CPED1: variants seen among roughly 807,000 people sequenced by gnomAD.
CPED1 encodes cadherin-like and PC-esterase domain-containing protein 1.
In CPED1, 114 loss-of-function variants were observed where a neutral mutation model predicts 128.2. The observed-to-expected ratio is 0.89, with a 90% CI of 0.76 to 1.04. The LOEUF (loss-of-function observed/expected upper bound fraction) is 1.04, where lower values mean the gene tolerates loss of function less well. Among genes scored for constraint, CPED1 ranks in the 50% least tolerant of loss-of-function variants. The pLI is 0.00. For synonymous variants in CPED1, 462 were observed against 426.7 expected, an observed-to-expected ratio of 1.08 and a Z score of -1.02; for missense variants, 1,211 against 1,207.1, an observed-to-expected ratio of 1.00 and a Z score of -0.05.
At chr7:121,145,819 G>C (rs1395491690) in intron 16 of CPED1, among the ~76,000 whole-genome samples, 1 of 150,376 alleles carries the variant, frequency 6.6e-6, no homozygotes, top group Non-Finnish European at 1.5e-5. Context: ...CAACCACAGT[G>C]TCCTCACTAT....
intron 22 of CPED1, among the ~76,000 whole-genome samples, chr7:121,281,765 T>A (rs1034129710): frequency 5.3e-5 from 8 of 152,154 alleles, no homozygotes; most frequent in Non-Finnish European, 8.8e-5. Context: ...AATTTTTACT[T>A]GAAAGTCTTG....
intron 3 of CPED1, among the ~76,000 whole-genome samples, chr7:121,037,560 A>T (rs1792927219): frequency 6.6e-6 from 1 of 152,184 alleles, no homozygotes; most frequent in South Asian, 2.1e-4. Flanking sequence ...TATAGTTTGA[A>T]GTCAGGTAAC....
intron 5 of CPED1, among the ~76,000 whole-genome samples, chr7:121,080,331 A>G (rs1233390937): frequency 6.6e-6 from 1 of 152,202 alleles, no homozygotes; most frequent in African/African-American, 2.4e-5. Context: ...CAACTAATAC[A>G]TCGCCCAGTG....
At chr7:121,213,462 T>C (rs922340729) in intron 16 of CPED1, among the ~76,000 whole-genome samples, 1 of 152,046 alleles carries the variant, frequency 6.6e-6, no homozygotes, top group African/African-American at 2.4e-5. Flanking sequence ...TTGTCAACTG[T>C]TTAGGAGACA....
At chr7:121,089,640 A>T (rs1003946407) in intron 5 of CPED1, among the ~76,000 whole-genome samples, 1 of 152,208 alleles carries the variant, frequency 6.6e-6, no homozygotes, top group Non-Finnish European at 1.5e-5. Context: ...GATATCTGAT[A>T]GTTACTGCAG....
At chr7:121,208,650 C>A (rs1013258192) in intron 16 of CPED1, among the ~76,000 whole-genome samples, 2 of 152,012 alleles carry the variant, frequency 1.3e-5, no homozygotes, top group Non-Finnish European at 2.9e-5. Context: ...AACCACTGTG[C>A]TACTAATAAT....
chr7:121,296,815 G>A lies in CPED1; in HGVS notation c.*1163G>A, dbSNP rs1305755546. The A allele has an allele frequency of 6.6e-6, 1 of 152,408 alleles. No homozygotes were observed. Among genetic ancestry groups the A allele is most frequent in the African/African-American group, 2.4e-5 (1 of 41,428 alleles). The allele number at this position is 152,408 out of a possible 1,614,324, so 9.4% of individuals were successfully genotyped here. A position where few individuals can be genotyped will look rare whatever the true frequency, so the allele number is the denominator to read the frequency against. On this transcript the variant is annotated 3_prime_UTR_variant, in exon 23 of 23. Transcript: ENST00000310396. ...CTTTGTTGTGAGATAACATCACACT[G>A]TTACAATGGATTTTAGAGGTTTGTC... is the stretch of plus-strand genomic sequence containing the variant.
chr7:121,071,977 C>G (rs1435494346), intron 5 of CPED1, among the ~76,000 whole-genome samples: 2 of 152,060 alleles, frequency 1.3e-5, no homozygotes, highest in African/African-American at 4.8e-5. Context: ...TTCAACACCA[C>G]CAATCTTGGA....
Position 121,297,134 on chromosome 7 carries a change from G to A in CPED1, c.*1482G>A, listed in dbSNP as rs2116801449. 6.6e-6 allele frequency: 1 copy of A among 151,770 alleles called. No individual in the cohort carries two copies. Among genetic ancestry groups the A allele is most frequent in the South Asian group, 2.1e-4 (1 of 4,812 alleles). 9.4% of individuals were successfully genotyped at this position (151,770 alleles called of 1,614,324 possible). The stretch of plus-strand genomic sequence containing the variant: ...CTTACAGATGATAATTTTTTTAGAA[G>A]AATGATACAGAATTAACTTTAAAAA... On this transcript the variant is annotated 3_prime_UTR_variant, in exon 23 of 23. Coordinates refer to ENST00000310396, the MANE Select transcript of CPED1 (RefSeq NM_024913.5).
intron 11 of CPED1, 51 bp from the exon 12 acceptor site, chr7:121,130,074 C>T (rs1795624113): frequency 7.2e-7 from 1 of 1,389,216 alleles, no homozygotes; most frequent in Non-Finnish European, 1.0e-6. Context: ...CATAGTAATA[C>T]TACATTATAA....
At chr7:121,107,387 C>T (rs1477823712) in intron 7 of CPED1, among the ~76,000 whole-genome samples, 5 of 152,026 alleles carry the variant, frequency 3.3e-5, no homozygotes, top group Non-Finnish European at 7.4e-5. Context: ...GAAAAATCTA[C>T]TTGCCTAAAT....
chr7:121,217,649 T>C (rs1324833709), intron 16 of CPED1, among the ~76,000 whole-genome samples: 1 of 152,022 alleles, frequency 6.6e-6, no homozygotes, highest in African/African-American at 2.4e-5. Flanking sequence ...GTGACAGACT[T>C]GATAGGGCAT....
chr7:121,017,628 G>T (rs533544041), intron 3 of CPED1, among the ~76,000 whole-genome samples: 1 of 152,112 alleles, frequency 6.6e-6, no homozygotes, highest in African/African-American at 2.4e-5. Context: ...TCTTGTTGCT[G>T]CTACTGACTT....
At chr7:121,154,359 C>T (rs1796232249) in intron 16 of CPED1, among the ~76,000 whole-genome samples, 1 of 152,066 alleles carries the variant, frequency 6.6e-6, no homozygotes, top group Non-Finnish European at 1.5e-5. Flanking sequence ...AAGTGGGCAT[C>T]CTTGTCTTGT....
At chr7:121,204,197 G>T (rs1200995781) in intron 16 of CPED1, among the ~76,000 whole-genome samples, 1 of 152,048 alleles carries the variant, frequency 6.6e-6, no homozygotes, top group East Asian at 1.9e-4. Flanking sequence ...TTTGATTACG[G>T]GTTAGGTTAA....
At chr7:121,222,436 T>C (rs1260960340) in intron 16 of CPED1, among the ~76,000 whole-genome samples, 1 of 152,110 alleles carries the variant, frequency 6.6e-6, no homozygotes, top group African/African-American at 2.4e-5. Flanking sequence ...CATGGCATTG[T>C]GGGCTCTTTT....
At chr7:121,223,067 A>G (rs1324300449) in intron 16 of CPED1, among the ~76,000 whole-genome samples, 1 of 152,158 alleles carries the variant, frequency 6.6e-6, no homozygotes, top group Non-Finnish European at 1.5e-5. Flanking sequence ...GTTTTTGTCC[A>G]TTCAGTATGA....
intron 4 of CPED1, among the ~76,000 whole-genome samples, chr7:121,063,128 A>G (rs1025648715): frequency 2.0e-5 from 3 of 152,200 alleles, no homozygotes; most frequent in African/African-American, 4.8e-5. Flanking sequence ...GCTAGGCTTC[A>G]TTCATACAGG....
chr7:121,243,002 A>T (rs1164986992), intron 17 of CPED1, among the ~76,000 whole-genome samples: 1 of 152,154 alleles, frequency 6.6e-6, no homozygotes, highest in Non-Finnish European at 1.5e-5. Flanking sequence ...AATGCACTAT[A>T]TTCATCTCCT....
Sources: allele counts gnomAD v4.1 joint callset (sites outside exome capture counted in the v4.1 genomes callset), GRCh38; gene constraint gnomAD v4.1.1; transcripts MANE v1.5; gene names NCBI Gene and HGNC (gene_info 2026-07-23, HGNC 2026-07-21).